AKT3: variants seen among roughly 807,000 people sequenced by gnomAD.
AKT3 encodes RAC-gamma serine/threonine-protein kinase.
Under a neutral mutation model 65.3 loss-of-function variants are expected in AKT3, and 15 were observed. The observed-to-expected ratio is 0.23, with a 90% CI of 0.15 to 0.35. The LOEUF (loss-of-function observed/expected upper bound fraction) is 0.35. Ranked by LOEUF, AKT3 falls within the 10% of genes least tolerant of loss-of-function variation. The pLI is 1.00. For synonymous variants in AKT3, 206 were observed against 183.8 expected, an observed-to-expected ratio of 1.12 and a Z score of -0.98; for missense variants, 243 against 576.5, an observed-to-expected ratio of 0.42 and a Z score of 5.92.
intron 2 of AKT3, among the ~76,000 whole-genome samples, chr1:243,747,433 C>G (rs1688541807): frequency 1.3e-5 from 2 of 152,130 alleles, no homozygotes; most frequent in Non-Finnish European, 2.9e-5. Flanking sequence ...GAGTGTAATT[C>G]TTAATGACTG....
intron 2 of AKT3, among the ~76,000 whole-genome samples, chr1:243,712,411 G>A (rs1444793228): frequency 6.6e-6 from 1 of 152,132 alleles, no homozygotes; most frequent in Admixed American, 6.5e-5. Context: ...CTCTGGACAC[G>A]AAGCTCTGTC....
At chr1:243,590,030 C>T (rs1024759991) in intron 8 of AKT3, among the ~76,000 whole-genome samples, 2 of 152,074 alleles carry the variant, frequency 1.3e-5, no homozygotes, top group Non-Finnish European at 2.9e-5. Flanking sequence ...TATGGGGAAT[C>T]TAAAAGAATC....
At chr1:243,572,604 TA>T (rs1674644107) in intron 9 of AKT3, among the ~76,000 whole-genome samples, 1 of 152,252 alleles carries the variant, frequency 6.6e-6, no homozygotes, top group South Asian at 2.1e-4. Context: ...TGTTTCTTCA[TA>T]AAACATTTCT....
At chr1:243,823,318 T>G (rs1301206229) in intron 2 of AKT3, among the ~76,000 whole-genome samples, 1 of 152,132 alleles carries the variant, frequency 6.6e-6, no homozygotes, top group Non-Finnish European at 1.5e-5. Flanking sequence ...AGCCAGTATC[T>G]TACTGAATGG....
intron 2 of AKT3, among the ~76,000 whole-genome samples, chr1:243,728,888 G>C (rs1231747212): frequency 6.6e-6 from 1 of 152,108 alleles, no homozygotes; most frequent in East Asian, 1.9e-4. Flanking sequence ...GTCCTCCATG[G>C]AGTCACATGG....
At chr1:243,824,618 A>C (rs1694054286) in intron 2 of AKT3, among the ~76,000 whole-genome samples, 1 of 152,232 alleles carries the variant, frequency 6.6e-6, no homozygotes, top group African/African-American at 2.4e-5. Flanking sequence ...TTTTCAAAAG[A>C]AGGCATACAT....
intron 13 of AKT3, among the ~76,000 whole-genome samples, chr1:243,493,621 A>G (rs1667105249): frequency 6.6e-6 from 1 of 152,052 alleles, no homozygotes; most frequent in South Asian, 2.1e-4. Flanking sequence ...AATCACTTAC[A>G]GTTTAGAAAA....
intron 2 of AKT3, among the ~76,000 whole-genome samples, chr1:243,724,300 A>C (rs1687085914): frequency 1.3e-5 from 2 of 152,010 alleles, no homozygotes; most frequent in East Asian, 1.9e-4. Context: ...CTGAGTATGC[A>C]GTTGTACCAT....
At chr1:243,646,867 T>C (rs1018787776) in intron 4 of AKT3, among the ~76,000 whole-genome samples, 2 of 152,178 alleles carry the variant, frequency 1.3e-5, no homozygotes, top group African/African-American at 4.8e-5. Context: ...CAGCTTGTAG[T>C]TTGAACAATC....
chr1:243,592,717 T>C (rs1213155480), intron 8 of AKT3, among the ~76,000 whole-genome samples: 1 of 151,956 alleles, frequency 6.6e-6, no homozygotes, highest in African/African-American at 2.4e-5. Flanking sequence ...TGTTTCAGAA[T>C]GAAGGAAAAT....
At chr1:243,564,208 A>T (rs1036977910) in intron 9 of AKT3, among the ~76,000 whole-genome samples, 4 of 152,184 alleles carry the variant, frequency 2.6e-5, no homozygotes, top group African/African-American at 9.6e-5. Flanking sequence ...AGAGATGAGC[A>T]TCTTCTTCTA....
intron 5 of AKT3, among the ~76,000 whole-genome samples, chr1:243,640,505 G>A (rs1240088951): frequency 1.3e-5 from 2 of 152,120 alleles, no homozygotes; most frequent in Non-Finnish European, 2.9e-5. Flanking sequence ...CAGTTTATGC[G>A]TTCTCTCTCT....
At chr1:243,564,004 A>C (rs1371654302) in intron 9 of AKT3, among the ~76,000 whole-genome samples, 156 bp from the exon 10 acceptor site, 1 of 152,218 alleles carries the variant, frequency 6.6e-6, no homozygotes, top group Non-Finnish European at 1.5e-5. Context: ...CTGTTGCTTC[A>C]CGTGTAAAAA....
At chr1:243,614,883 A>G (rs1488597143) in intron 7 of AKT3, among the ~76,000 whole-genome samples, 1 of 152,150 alleles carries the variant, frequency 6.6e-6, no homozygotes, top group Non-Finnish European at 1.5e-5. Flanking sequence ...AATTCTCAAA[A>G]AAGTAATAAA....
intron 8 of AKT3, among the ~76,000 whole-genome samples, chr1:243,578,769 A>T (rs2148519305): frequency 6.6e-6 from 1 of 152,330 alleles, no homozygotes; most frequent in Non-Finnish European, 1.5e-5. Flanking sequence ...GCCTGAGACT[A>T]CAGACTGCTA....
Position 243,725,561 on chromosome 1 carries a change from C to T in AKT3, c.47-29845G>A, listed in dbSNP as rs149315286. 9.0e-4 allele frequency among the ~76,000 whole-genome samples: 137 copies of T among 152,254 alleles called. 2 individuals carry two copies. Among genetic ancestry groups the T allele is most frequent in the African/African-American group, 3.2e-3 (134 of 41,536 alleles). On this transcript the variant is annotated intron_variant, in intron 2 of 13. Coordinates refer to ENST00000673466, the MANE Select transcript of AKT3 (RefSeq NM_005465.7). ...AATATACTCCAGCAGTAACACTGCTCACTGCATACGGAGATTTGCAAGGGT... is the reference window on the plus strand; with the variant it reads ...AATATACTCCAGCAGTAACACTGCTTACTGCATACGGAGATTTGCAAGGGT...
intron 8 of AKT3, among the ~76,000 whole-genome samples, chr1:243,575,462 A>G (rs1402175783): frequency 3.9e-5 from 6 of 152,192 alleles, no homozygotes; most frequent in African/African-American, 9.6e-5. Flanking sequence ...AAACCCATCA[A>G]GTTGTTCCGA....
chr1:243,823,879 A>G (rs930242476), intron 2 of AKT3, among the ~76,000 whole-genome samples: 1 of 152,194 alleles, frequency 6.6e-6, no homozygotes, highest in Non-Finnish European at 1.5e-5. Context: ...ACTACCATTG[A>G]CTTTCCTCAC....
At position 243,760,282 on chromosome 1, in the gene AKT3, C is replaced by CTTTTTT. The variant is rs58733457; in HGVS notation, c.47-64572_47-64567dup. On this transcript the variant is annotated intron_variant, in intron 2 of 13. Transcript: ENST00000673466. ...TACAGGCATGTACCTCTATATCTGG[C>CTTTTTT]TTTTTTTTTTTTTTTTTTTTTTGTC... Among the ~76,000 whole-genome samples the CTTTTTT allele has an allele frequency of 4.8e-3, 389 of 80,914 alleles. 16 individuals are homozygous for CTTTTTT. The highest frequency in any genetic ancestry group is 8.1e-3 in the African/African-American group (151 of 18,542). The allele number at this position is 80,914 out of a possible 152,430, so 53.1% of individuals were successfully genotyped here.
Sources: allele counts gnomAD v4.1 joint callset (sites outside exome capture counted in the v4.1 genomes callset), GRCh38; gene constraint gnomAD v4.1.1; transcripts MANE v1.5; gene names NCBI Gene and HGNC (gene_info 2026-07-23, HGNC 2026-07-21).